Variants in FAM13A observed in about 807,000 individuals in gnomAD.
FAM13A encodes the protein family with sequence similarity 13 member A.
A neutral mutation model predicts 129.6 loss-of-function variants in FAM13A; 76 were observed. The observed-to-expected ratio is 0.59, with a 90% CI of 0.49 to 0.71. The LOEUF is 0.71. FAM13A is among the 30% of genes least tolerant of loss of function. The probability of loss-of-function intolerance (pLI) is 0.00; values close to 1 mark genes in which losing one functional copy is unlikely to be tolerated. For synonymous variants in FAM13A, 443 were observed against 449.9 expected, an observed-to-expected ratio of 0.98 and a Z score of 0.20; for missense variants, 1,108 against 1,249.3, an observed-to-expected ratio of 0.89 and a Z score of 1.70.
At chr4:88,887,816 A>G (rs915087398) in intron 6 of FAM13A, among the ~76,000 whole-genome samples, 14 of 152,244 alleles carry the variant, frequency 9.2e-5, no homozygotes, top group African/African-American at 3.4e-4. Flanking sequence ...TACAGGCGTG[A>G]GCCACCGTGC....
chr4:88,861,686 T>C (rs904533835), intron 6 of FAM13A, among the ~76,000 whole-genome samples: 1 of 152,152 alleles, frequency 6.6e-6, no homozygotes, highest in African/African-American at 2.4e-5. Context: ...CTTAAAGAAG[T>C]AGATAGTCTA....
At chr4:88,982,001 C>G (rs532811613) in intron 4 of FAM13A, among the ~76,000 whole-genome samples, 59 of 152,226 alleles carry the variant, frequency 3.9e-4, no homozygotes, top group Non-Finnish European at 7.5e-4. Context: ...CTTGTTGACC[C>G]AGCTATAAGG....
chr4:88,812,619 C>G (rs1729877617), intron 7 of FAM13A, among the ~76,000 whole-genome samples: 1 of 152,206 alleles, frequency 6.6e-6, no homozygotes, highest in Non-Finnish European at 1.5e-5. Context: ...CCATCTCTAG[C>G]ACCCTGGAGA....
chr4:88,924,747 T>C (rs1303239564), intron 5 of FAM13A, among the ~76,000 whole-genome samples: 2 of 151,398 alleles, frequency 1.3e-5, no homozygotes, highest in Non-Finnish European at 2.9e-5. Flanking sequence ...CAAAAGAAAC[T>C]ACCATCAGAG....
chr4:88,951,918 T>A (rs1024370873), intron 4 of FAM13A, among the ~76,000 whole-genome samples: 10 of 152,220 alleles, frequency 6.6e-5, no homozygotes, highest in African/African-American at 2.2e-4. Flanking sequence ...TATGCATGAC[T>A]TAGAGGGAAC....
intron 5 of FAM13A, among the ~76,000 whole-genome samples, chr4:88,918,707 C>T (rs970304721): frequency 3.9e-5 from 6 of 152,148 alleles, no homozygotes; most frequent in African/African-American, 1.2e-4. Context: ...AAATATGAAG[C>T]CTTTAATCAT....
chr4:88,738,424 G>A (rs569798629), intron 20 of FAM13A, among the ~76,000 whole-genome samples: 11 of 152,270 alleles, frequency 7.2e-5, no homozygotes, highest in Admixed American at 6.5e-4. Context: ...AAGACTTCCT[G>A]TCGCTGAAGG....
At chr4:89,055,227 A>C (rs1193788154) in intron 1 of FAM13A, among the ~76,000 whole-genome samples, 1 of 152,146 alleles carries the variant, frequency 6.6e-6, no homozygotes, top group African/African-American at 2.4e-5. Context: ...CGATGTTTAA[A>C]ATTTTTTTTG....
chr4:88,740,933 C>A (rs1486326006), intron 19 of FAM13A, among the ~76,000 whole-genome samples: 3 of 152,082 alleles, frequency 2.0e-5, no homozygotes, highest in African/African-American at 7.2e-5. Context: ...CTAGAAGGGA[C>A]CCAAATTATT....
intron 4 of FAM13A, among the ~76,000 whole-genome samples, chr4:88,969,533 T>C (rs757682312): frequency 1.4e-4 from 21 of 152,220 alleles, no homozygotes; most frequent in Non-Finnish European, 2.9e-4. Context: ...GAACAATGCA[T>C]ATAAGTGAAT....
chr4:88,998,969 T>C (rs1033326046), intron 3 of FAM13A, among the ~76,000 whole-genome samples: 2 of 152,180 alleles, frequency 1.3e-5, no homozygotes, highest in East Asian at 1.9e-4. Flanking sequence ...AAGTGACTAA[T>C]AAAAATTAAT....
At chr4:88,799,449 C>T (rs971918375) in intron 8 of FAM13A, among the ~76,000 whole-genome samples, 2 of 151,238 alleles carry the variant, frequency 1.3e-5, no homozygotes, top group Admixed American at 6.6e-5. Flanking sequence ...ACAAATTAAA[C>T]GTAGAACTAC....
chr4:88,905,645 G>C (rs1748021905), intron 6 of FAM13A: 1 of 152,098 alleles, frequency 6.6e-6, no homozygotes, highest in Non-Finnish European at 1.5e-5. Context: ...TTATAAGTGA[G>C]AACATGTGGT....
At position 88,938,139 on chromosome 4, in the gene FAM13A, T is replaced by C. The variant is rs1481604190; in HGVS notation, c.708A>G (p.Thr236=). 1 of 1,613,408 alleles carries C rather than the reference T, an allele frequency of 6.2e-7. No individual in the cohort carries two copies. Among genetic ancestry groups the C allele is most frequent in the African/African-American group, 1.3e-5 (1 of 74,928 alleles). The change falls in exon 5 of 24, where the codon ACA becomes ACG. Residue 236 remains threonine, a synonymous_variant. Transcript: ENST00000264344. ...NYNTLFEVEY[T]ENDHLRCENL... ...TTTCACATCTCAGATGATCATTTTCTGTATACTCTACTTCAAACAGGGTAT... is the reference window on the plus strand; with the variant it reads ...TTTCACATCTCAGATGATCATTTTCCGTATACTCTACTTCAAACAGGGTAT...
chr4:88,923,790 A>G lies in FAM13A; in HGVS notation c.759+14298T>C, dbSNP rs533462218. ...CCCTGTTTGCAGATGACATGATTGT[A>G]TATCTAGAAAACCCCATTGTCTCAG... On this transcript the variant is annotated intron_variant, in intron 5 of 23. Transcript: ENST00000264344. Among the ~76,000 whole-genome samples, 198 of 152,266 alleles carry G rather than the reference A, an allele frequency of 1.3e-3. 2 individuals are homozygous for G. The highest frequency in any genetic ancestry group is 4.3e-3 in the African/African-American group (177 of 41,554).
At chr4:89,056,020 A>C (rs989115020) in intron 1 of FAM13A, among the ~76,000 whole-genome samples, 1 of 152,172 alleles carries the variant, frequency 6.6e-6, no homozygotes, top group Non-Finnish European at 1.5e-5. Flanking sequence ...AACACACACA[A>C]AAAAAGAGGA....
chr4:88,843,655 T>C (rs1271979644), intron 7 of FAM13A, among the ~76,000 whole-genome samples: 2 of 152,248 alleles, frequency 1.3e-5, no homozygotes, highest in African/African-American at 4.8e-5. Flanking sequence ...CACTGATTCA[T>C]GATTAATATT....
At chr4:88,872,039 C>G (rs1193290624) in intron 6 of FAM13A, among the ~76,000 whole-genome samples, 1 of 152,138 alleles carries the variant, frequency 6.6e-6, no homozygotes, top group Non-Finnish European at 1.5e-5. Flanking sequence ...CATATCCAGC[C>G]AAACTAAGCT....
At chr4:88,814,033 C>T (rs1387124952) in intron 7 of FAM13A, among the ~76,000 whole-genome samples, 1 of 152,140 alleles carries the variant, frequency 6.6e-6, no homozygotes, top group East Asian at 1.9e-4. Context: ...TACATAACTA[C>T]CATTGATTGA....
Sources: allele counts gnomAD v4.1 joint callset (sites outside exome capture counted in the v4.1 genomes callset), GRCh38; gene constraint gnomAD v4.1.1; transcripts MANE v1.5; gene names NCBI Gene and HGNC (gene_info 2026-07-23, HGNC 2026-07-21).